Variants in FER observed in about 807,000 individuals in gnomAD.
FER encodes the protein tyrosine-protein kinase Fer.
In FER, 63 loss-of-function variants were observed where a neutral mutation model predicts 111.0. The observed-to-expected ratio is 0.57, with a 90% CI of 0.46 to 0.70. FER has a LOEUF of 0.70. FER is among the 30% of genes least tolerant of loss of function. FER has a pLI of 0.00. For synonymous variants in FER, 327 were observed against 313.9 expected, an observed-to-expected ratio of 1.04 and a Z score of -0.44; for missense variants, 914 against 954.0, an observed-to-expected ratio of 0.96 and a Z score of 0.55.
chr5:108,953,478 A>T (rs1758026524), intron 11 of FER, among the ~76,000 whole-genome samples: 1 of 151,982 alleles, frequency 6.6e-6, no homozygotes, highest in South Asian at 2.1e-4. Flanking sequence ...CAGAATGTAG[A>T]CTTTCCTTGA....
chr5:108,921,729 T>C (rs955172059), intron 10 of FER, among the ~76,000 whole-genome samples: 1 of 152,172 alleles, frequency 6.6e-6, no homozygotes, highest in Non-Finnish European at 1.5e-5. Context: ...AAATGTTAAG[T>C]CACTGCTGAA....
intron 18 of FER, among the ~76,000 whole-genome samples, chr5:109,184,035 G>A (rs7707311): frequency 0.029 from 4,376 of 152,116 alleles, 230 homozygotes; most frequent in African/African-American, 0.1. Context: ...CTCAACACCT[G>A]TTTGGCATAT....
At chr5:108,982,236 T>C (rs1042837636) in intron 13 of FER, among the ~76,000 whole-genome samples, 4 of 151,892 alleles carry the variant, frequency 2.6e-5, no homozygotes, top group African/African-American at 9.7e-5. Flanking sequence ...TAACATAAAG[T>C]AATCTAGATG....
chr5:109,033,004 A>G (rs541455568), intron 13 of FER, among the ~76,000 whole-genome samples: 51 of 152,294 alleles, frequency 3.3e-4, no homozygotes, highest in African/African-American at 1.2e-3. Flanking sequence ...ATTTTTCTGT[A>G]TGGTCACAGA....
intron 13 of FER, among the ~76,000 whole-genome samples, chr5:109,006,510 C>G (rs937268346): frequency 2.0e-5 from 3 of 152,150 alleles, no homozygotes; most frequent in Non-Finnish European, 4.4e-5. Flanking sequence ...CATTAAGCCT[C>G]TTTCCTTTAT....
rs773708775 is a variant in FER at position 108,782,959 on chromosome 5, T to C, written c.-60+14721T>C. 2.0e-5 allele frequency among the ~76,000 whole-genome samples: 3 copies of C among 152,236 alleles called. No individual in the cohort carries two copies. In the East Asian group the frequency reaches 5.8e-4, roughly 29 times the overall value. ...GGTTATTCCTGGATTCTCTGTTCTG[T>C]TTCATTGATCTATTTTCTGTCTTCT... On this transcript the variant is annotated intron_variant, in intron 2 of 19. Transcript: ENST00000281092.
intron 13 of FER, among the ~76,000 whole-genome samples, chr5:109,025,902 G>T (rs1768660386): frequency 6.6e-6 from 1 of 152,128 alleles, no homozygotes; most frequent in Non-Finnish European, 1.5e-5. Context: ...TAGCCACTCA[G>T]TTGCCAGAAC....
chr5:109,185,913 T>C (rs576749341), intron 18 of FER, among the ~76,000 whole-genome samples: 1 of 152,318 alleles, frequency 6.6e-6, no homozygotes, highest in Non-Finnish European at 1.5e-5. Flanking sequence ...CTATATAGCA[T>C]GTTACTGTAT....
At chr5:109,144,700 G>A (rs894603689) in intron 17 of FER, among the ~76,000 whole-genome samples, 13 of 152,094 alleles carry the variant, frequency 8.5e-5, no homozygotes, top group Admixed American at 5.3e-4. Context: ...CATTCTTGGA[G>A]TAGCTAAGGG....
At chr5:109,020,995 A>G (rs143769093) in intron 13 of FER, among the ~76,000 whole-genome samples, 9 of 152,072 alleles carry the variant, frequency 5.9e-5, no homozygotes, top group Admixed American at 5.3e-4. Flanking sequence ...TTAAGGAACC[A>G]TTTTACCTTT....
intron 8 of FER, among the ~76,000 whole-genome samples, chr5:108,882,654 A>G (rs1765794322): frequency 6.6e-6 from 1 of 151,774 alleles, no homozygotes; most frequent in Admixed American, 6.6e-5. Context: ...ATAAATTTTC[A>G]TTTTTATAGA....
chr5:108,749,093 A>G (rs1750117010), intron 1 of FER: 1 of 152,230 alleles, frequency 6.6e-6, no homozygotes, highest in South Asian at 2.1e-4. Context: ...CGGGGGCAAC[A>G]ATGCCTGCCC....
chr5:108,798,154 A>G lies in FER; in HGVS notation c.-29A>G, dbSNP rs761196807. 1 of 1,555,682 alleles carries G rather than the reference A, an allele frequency of 6.4e-7. No individual in the cohort carries two copies. ...TGCTGATTAGAAGGCTCACTTGTGC[A>G]GTGTGGAGGATAACCAGTGCCTTAC... On this transcript the variant is annotated 5_prime_UTR_variant, in exon 3 of 20. Transcript: ENST00000281092.
chr5:109,123,639 TAAAC>T (rs1310462056), intron 17 of FER, among the ~76,000 whole-genome samples: 5 of 152,370 alleles, frequency 3.3e-5, no homozygotes, highest in East Asian at 3.9e-4. Context: ...ACTGGTTATA[TAAAC>T]AAACTAACAA....
In FER at chr5:108,965,759, C is replaced by A. The variant is rs116758151; in HGVS notation, c.1656+6412C>A. Among the ~76,000 whole-genome samples the A allele has an allele frequency of 7.1e-3, 1,088 of 152,170 alleles. 9 individuals are homozygous for A. The highest frequency in any genetic ancestry group is 0.012 in the Non-Finnish European group (784 of 67,996). On this transcript the variant is annotated intron_variant, in intron 13 of 19. Transcript: ENST00000281092. ...CTTAACAAAAATTTTTTCTATACTC[C>A]AATATTTTAGCACCAGGATATAAGT...
intron 13 of FER, among the ~76,000 whole-genome samples, chr5:109,002,559 A>G (rs1476664558): frequency 6.6e-6 from 1 of 152,140 alleles, no homozygotes; most frequent in African/African-American, 2.4e-5. Context: ...GGACATAGGC[A>G]TGGGCAAGGA....
intron 17 of FER, among the ~76,000 whole-genome samples, chr5:109,165,554 GA>G (rs1303770450): frequency 6.6e-6 from 1 of 151,788 alleles, no homozygotes; most frequent in Non-Finnish European, 1.5e-5. Flanking sequence ...CACTTTTAGG[GA>G]AATAAAGTGC....
At chr5:108,785,181 GT>G in intron 2 of FER, 1 of 621,242 alleles carries the variant, frequency 1.6e-6, no homozygotes, top group Non-Finnish European at 2.7e-6. Context: ...GGCCACACAG[GT>G]TATCTGAACA....
rs1311253750 is a variant in FER at position 109,146,252 on chromosome 5, TAATA to T, written c.2049-34494_2049-34491del. ...CTATCTAATATATATATAATCTATC[TAATA>T]TATATATATATATATATATATATAT... On this transcript the variant is annotated intron_variant, in intron 17 of 19. Coordinates refer to ENST00000281092, the MANE Select transcript of FER (RefSeq NM_005246.4). Among the ~76,000 whole-genome samples the T allele has an allele frequency of 1.3e-3, 63 of 47,632 alleles. 2 individuals carry two copies. The highest frequency in any genetic ancestry group is 6.3e-3 in the African/African-American group (62 of 9,802). The allele number at this position is 47,632 out of a possible 152,430, so 31.2% of individuals were successfully genotyped here. A position where few individuals can be genotyped will look rare whatever the true frequency, so the allele number is the denominator to read the frequency against.
Sources: gnomAD v4.1 joint callset for allele counts (sites outside exome capture counted in the v4.1 genomes callset) on GRCh38, gnomAD v4.1.1 for gene constraint, MANE v1.5 for transcripts, NCBI Gene and HGNC (gene_info 2026-07-23, HGNC 2026-07-21) for gene names.